KCND2: variants seen among roughly 807,000 people sequenced by gnomAD.
KCND2 encodes potassium voltage-gated channel subfamily D member 2.
In KCND2, 16 loss-of-function variants were observed where a neutral mutation model predicts 54.4. That is an observed-to-expected ratio of 0.29 (90% CI 0.20 to 0.45). KCND2 has a LOEUF of 0.45. Ranked by LOEUF, KCND2 falls within the 20% of genes least tolerant of loss-of-function variation. The pLI is 1.00. For synonymous variants in KCND2, 317 were observed against 310.7 expected (o/e 1.02, Z -0.21); for missense variants, 486 against 824.2 (o/e 0.59, Z 5.02).
In KCND2 at chr7:120,289,666, C is replaced by T. The variant is rs186634357; in HGVS notation, c.1115+13919C>T. On this transcript the variant is annotated intron_variant, in intron 1 of 5. Coordinates refer to ENST00000331113, the MANE Select transcript of KCND2 (RefSeq NM_012281.3). ...CCTCCTACTGTCCTGCAGAAATGAT[C>T]GGTGGGCTTGCCAAAAACAGCAGCT... 1.1e-4 allele frequency among the ~76,000 whole-genome samples: 17 copies of T among 152,168 alleles called. No homozygotes were observed. The East Asian group carries it at 2.5e-3, about 23-fold the overall frequency.
At chr7:120,368,581 A>C (rs990291394) in intron 1 of KCND2, among the ~76,000 whole-genome samples, 5 of 152,072 alleles carry the variant, frequency 3.3e-5, no homozygotes, top group Non-Finnish European at 7.4e-5. Flanking sequence ...TTTATTTAGA[A>C]TACAATTTGC....
chr7:120,408,730 T>C (rs1801402777), intron 1 of KCND2, among the ~76,000 whole-genome samples: 1 of 151,718 alleles, frequency 6.6e-6, no homozygotes, highest in African/African-American at 2.4e-5. Flanking sequence ...CAGAATCCAA[T>C]GTTCTTACTT....
At chr7:120,570,956 G>C (rs1792358265) in intron 1 of KCND2, among the ~76,000 whole-genome samples, 1 of 152,168 alleles carries the variant, frequency 6.6e-6, no homozygotes, top group Non-Finnish European at 1.5e-5. Context: ...AAGTACCACT[G>C]TGATACTAAC....
At chr7:120,365,456 A>G (rs1029685493) in intron 1 of KCND2, among the ~76,000 whole-genome samples, 1 of 152,062 alleles carries the variant, frequency 6.6e-6, no homozygotes, top group Non-Finnish European at 1.5e-5. Context: ...CCATGTATAC[A>G]TAGGTCAGTG....
chr7:120,408,111 G>A (rs1801389653), intron 1 of KCND2, among the ~76,000 whole-genome samples: 1 of 151,850 alleles, frequency 6.6e-6, no homozygotes, highest in South Asian at 2.1e-4. Flanking sequence ...AATATTTAGG[G>A]AATATAATTA....
chr7:120,440,849 C>CT (rs1650476191), intron 1 of KCND2, among the ~76,000 whole-genome samples: 1 of 152,012 alleles, frequency 6.6e-6, no homozygotes. Flanking sequence ...AAAATAATCT[C>CT]TGTAATATCA....
intron 1 of KCND2, among the ~76,000 whole-genome samples, chr7:120,335,243 G>A (rs1295900785): frequency 1.3e-5 from 2 of 150,092 alleles, no homozygotes; most frequent in Non-Finnish European, 3.0e-5. Context: ...CATGCCTGTA[G>A]TCCTAGCTAC....
At chr7:120,737,787 G>A (rs184110499) in intron 2 of KCND2, among the ~76,000 whole-genome samples, 228 of 152,140 alleles carry the variant, frequency 1.5e-3, no homozygotes, top group African/African-American at 5.1e-3. Context: ...GTTACAGGGA[G>A]TGTGGAGGCA....
chr7:120,667,832 T>A (rs1791947037), intron 1 of KCND2, among the ~76,000 whole-genome samples: 1 of 152,048 alleles, frequency 6.6e-6, no homozygotes, highest in African/African-American at 2.4e-5. Flanking sequence ...GACAGACATG[T>A]CACTCTACCC....
chr7:120,596,884 C>A (rs1046663751), intron 1 of KCND2, among the ~76,000 whole-genome samples: 2 of 152,114 alleles, frequency 1.3e-5, no homozygotes, highest in Admixed American at 1.3e-4. Flanking sequence ...AAATAATCCT[C>A]GTTAACATAT....
chr7:120,402,715 TC>T (rs902813679), intron 1 of KCND2, among the ~76,000 whole-genome samples: 3 of 152,158 alleles, frequency 2.0e-5, no homozygotes, highest in African/African-American at 7.2e-5. Flanking sequence ...TTAAAAATGT[TC>T]CCAGGGACTT....
At chr7:120,672,018 C>G (rs181558389) in intron 1 of KCND2, among the ~76,000 whole-genome samples, 54 of 152,184 alleles carry the variant, frequency 3.5e-4, no homozygotes, top group African/African-American at 1.0e-3. Context: ...CTTCAAAGAG[C>G]AGTCTTTATC....
intron 1 of KCND2, among the ~76,000 whole-genome samples, chr7:120,384,924 C>T (rs1016485463): frequency 6.8e-6 from 1 of 146,216 alleles, no homozygotes; most frequent in Admixed American, 6.9e-5. Context: ...ATTTTATAGT[C>T]TTTTCTACCT....
intron 1 of KCND2, among the ~76,000 whole-genome samples, chr7:120,515,941 T>G (rs2116339146): frequency 6.6e-6 from 1 of 152,182 alleles, no homozygotes; most frequent in East Asian, 1.9e-4. Flanking sequence ...GGAGGGTAGA[T>G]TTGACCCATG....
At chr7:120,320,043 T>C (rs1799871605) in intron 1 of KCND2, among the ~76,000 whole-genome samples, 1 of 152,088 alleles carries the variant, frequency 6.6e-6, no homozygotes, top group East Asian at 1.9e-4. Flanking sequence ...TTAAAATATA[T>C]TGAGTCACTC....
chr7:120,564,407 A>G (rs1202014980), intron 1 of KCND2, among the ~76,000 whole-genome samples: 1 of 152,188 alleles, frequency 6.6e-6, no homozygotes, highest in East Asian at 1.9e-4. Context: ...CCCAAGAATT[A>G]CTGACTAGTT....
intron 1 of KCND2, among the ~76,000 whole-genome samples, chr7:120,301,061 G>T (rs984339573): frequency 6.6e-6 from 1 of 151,966 alleles, no homozygotes; most frequent in Admixed American, 6.6e-5. Flanking sequence ...AGAATCTGTA[G>T]AAATATCTCC....
intron 1 of KCND2, among the ~76,000 whole-genome samples, chr7:120,522,975 T>G (rs911704407): frequency 2.0e-5 from 3 of 152,188 alleles, no homozygotes; most frequent in Admixed American, 6.6e-5. Flanking sequence ...ATTTGTAGTA[T>G]TTTTTACTAG....
intron 1 of KCND2, among the ~76,000 whole-genome samples, chr7:120,352,493 CACACA>C (rs1800429051): frequency 7.0e-6 from 1 of 143,026 alleles, no homozygotes; most frequent in African/African-American, 2.6e-5. Context: ...CACACACACA[CACACA>C]ACATTCATGA....
Sources: allele counts gnomAD v4.1 joint callset (sites outside exome capture counted in the v4.1 genomes callset), GRCh38; gene constraint gnomAD v4.1.1; transcripts MANE v1.5; gene names NCBI Gene and HGNC (gene_info 2026-07-23, HGNC 2026-07-21).